HS6ST1: variants seen among roughly 807,000 people sequenced by gnomAD.
The protein encoded by HS6ST1 is heparan sulfate 6-O-sulfotransferase 1.
A neutral mutation model predicts 25.2 loss-of-function variants in HS6ST1; 3 were observed. That is an observed-to-expected ratio of 0.12 (90% CI 0.05 to 0.31). HS6ST1 has a LOEUF of 0.31. Ranked by LOEUF, HS6ST1 falls within the 10% of genes least tolerant of loss-of-function variation. The pLI is 1.00. For synonymous variants in HS6ST1, 204 were observed against 275.1 expected (o/e 0.74, Z 2.56); for missense variants, 310 against 609.6 (o/e 0.51, Z 5.18).
intron 1 of HS6ST1, among the ~76,000 whole-genome samples, chr2:128,284,625 C>T (rs970240107): frequency 1.3e-5 from 2 of 151,810 alleles, no homozygotes; most frequent in Admixed American, 6.6e-5. Flanking sequence ...TTCAGCCTTC[C>T]GAGGCTAAGG....
At chr2:128,284,344 T>C (rs897035145) in intron 1 of HS6ST1, among the ~76,000 whole-genome samples, 2 of 152,090 alleles carry the variant, frequency 1.3e-5, no homozygotes, top group African/African-American at 4.8e-5. Flanking sequence ...TCCCACCTGT[T>C]GCCACCTGTC....
intron 1 of HS6ST1, among the ~76,000 whole-genome samples, chr2:128,293,524 G>A (rs1693991550): frequency 1.3e-5 from 2 of 152,238 alleles, no homozygotes; most frequent in South Asian, 2.1e-4. Context: ...GGGGACCTTC[G>A]AAGTTGGAAG....
intron 1 of HS6ST1, among the ~76,000 whole-genome samples, chr2:128,314,613 A>T (rs1460980094): frequency 6.6e-5 from 10 of 152,308 alleles, no homozygotes; most frequent in African/African-American, 2.4e-4. Flanking sequence ...CTGGAGTCTG[A>T]GAAGGCTTCA....
intron 1 of HS6ST1, among the ~76,000 whole-genome samples, chr2:128,291,941 C>G (rs988199911): frequency 5.9e-5 from 9 of 152,200 alleles, no homozygotes; most frequent in Non-Finnish European, 1.2e-4. Context: ...ACAGGCTCCT[C>G]TGAATGCACA....
In HS6ST1 at chr2:128,266,214, G is replaced by C. The variant is rs925536349; in HGVS notation, c.*1948C>G. 1 of 152,202 alleles carries C rather than the reference G, an allele frequency of 6.6e-6. No individual in the cohort carries two copies. Among genetic ancestry groups the C allele is most frequent in the African/African-American group, 2.4e-5 (1 of 41,452 alleles). The allele number at this position is 152,202 out of a possible 1,614,324, so 9.4% of individuals were successfully genotyped here. ...CTGCCGGGAAGCCAAGGTGCCCCACGTGGCTTGTGCAAGACCTCACAATCC... is the reference window on the plus strand; with the variant it reads ...CTGCCGGGAAGCCAAGGTGCCCCACCTGGCTTGTGCAAGACCTCACAATCC... On this transcript the variant is annotated 3_prime_UTR_variant, in exon 2 of 2. Transcript: ENST00000259241.
chr2:128,309,312 G>T (rs1694255740), intron 1 of HS6ST1, among the ~76,000 whole-genome samples: 1 of 152,258 alleles, frequency 6.6e-6, no homozygotes, highest in Admixed American at 6.5e-5. Context: ...AAATGAGGTT[G>T]AATGTTCCCA....
intron 1 of HS6ST1, among the ~76,000 whole-genome samples, chr2:128,306,153 C>T (rs947429166): frequency 1.3e-5 from 2 of 152,234 alleles, no homozygotes; most frequent in East Asian, 3.8e-4. Context: ...CACAGCCCCT[C>T]CCTGCTCCCA....
intron 1 of HS6ST1, among the ~76,000 whole-genome samples, chr2:128,271,533 G>T (rs7560767): frequency 0.049 from 7,537 of 152,282 alleles, 613 homozygotes; most frequent in African/African-American, 0.17. Context: ...TGGGGGTGCA[G>T]AACACGGGGA....
At chr2:128,278,158 G>A (rs866986365) in intron 1 of HS6ST1, among the ~76,000 whole-genome samples, 5 of 152,254 alleles carry the variant, frequency 3.3e-5, no homozygotes, top group East Asian at 1.9e-4. Flanking sequence ...AGGCAGGCAC[G>A]AGCTGAGGCC....
rs541130200 is a variant in HS6ST1 at position 128,289,158 on chromosome 2, T to C, written c.528-20288A>G. 3.9e-5 allele frequency among the ~76,000 whole-genome samples: 6 copies of C among 152,150 alleles called. No homozygotes were observed. In the South Asian group the frequency reaches 1.2e-3, roughly 32 times the overall value. On this transcript the variant is annotated intron_variant, in intron 1 of 1. Coordinates refer to ENST00000259241, the MANE Select transcript of HS6ST1 (RefSeq NM_004807.3). ...CATTCTGTGCCCAAGCTAACTGCAG[T>C]ATCCAACTCTATACTCCCATGGCCC...
intron 1 of HS6ST1, among the ~76,000 whole-genome samples, chr2:128,278,667 GCTGA>G (rs1693733133): frequency 6.6e-6 from 1 of 152,226 alleles, no homozygotes; most frequent in South Asian, 2.1e-4. Flanking sequence ...AACCCCTGGA[GCTGA>G]CTGTGGGGTT....
Position 128,316,389 on chromosome 2 carries a change from C to T in HS6ST1, c.527+1648G>A, listed in dbSNP as rs189264740. Among the ~76,000 whole-genome samples the T allele has an allele frequency of 3.6e-4, 55 of 152,352 alleles. 1 individual carries two copies. Among genetic ancestry groups the T allele is most frequent in the Admixed American group, 3.3e-3 (51 of 15,310 alleles). On this transcript the variant is annotated intron_variant, in intron 1 of 1. Transcript: ENST00000259241. The stretch of plus-strand genomic sequence containing the variant: ...GGGGTGACCCCCATCCTTGCACCCC[C>T]CACAGGTAGGGAGGCGTCTGTTGGT...
intron 1 of HS6ST1, among the ~76,000 whole-genome samples, chr2:128,297,507 G>A (rs900887662): frequency 2.0e-5 from 3 of 152,110 alleles, no homozygotes; most frequent in African/African-American, 7.2e-5. Flanking sequence ...CAAAAGAAAA[G>A]CTAGATTAAT....
chr2:128,298,036 AAAG>A, intron 1 of HS6ST1, among the ~76,000 whole-genome samples: 1 of 147,460 alleles, frequency 6.8e-6, no homozygotes, highest in South Asian at 2.1e-4. Flanking sequence ...ACATTTCCCC[AAAG>A]AAGACAGACC....
At chr2:128,307,819 G>A (rs1694235040) in intron 1 of HS6ST1, among the ~76,000 whole-genome samples, 1 of 152,144 alleles carries the variant, frequency 6.6e-6, no homozygotes, top group South Asian at 2.1e-4. Context: ...ACCTCCCTCT[G>A]ACACACTCCT....
intron 1 of HS6ST1, among the ~76,000 whole-genome samples, chr2:128,310,959 G>A (rs1352912196): frequency 2.0e-5 from 3 of 151,958 alleles, no homozygotes; most frequent in Non-Finnish European, 4.4e-5. Context: ...CTCGCATGAT[G>A]TGTCTGAAAC....
intron 1 of HS6ST1, among the ~76,000 whole-genome samples, chr2:128,313,776 G>C (rs1694324318): frequency 6.6e-6 from 1 of 152,044 alleles, no homozygotes; most frequent in Non-Finnish European, 1.5e-5. Flanking sequence ...TCCAGGAGCA[G>C]GAGTCCCCAG....
intron 1 of HS6ST1, among the ~76,000 whole-genome samples, chr2:128,303,099 C>G (rs939192369): frequency 2.6e-5 from 4 of 152,230 alleles, no homozygotes; most frequent in Admixed American, 1.3e-4. Context: ...GGAGGAAATG[C>G]CAGGCTTTTC....
chr2:128,268,119 C>G lies in HS6ST1; in HGVS notation c.*43G>C. 1 of 1,428,226 alleles carries G rather than the reference C, an allele frequency of 7.0e-7. No homozygotes were observed. Among genetic ancestry groups the G allele is most frequent in the African/African-American group, 1.4e-5 (1 of 71,110 alleles). The allele number at this position is 1,428,226 out of a possible 1,614,324, so 88.5% of individuals were successfully genotyped here. ...GGACCTGTCGTCTGTCCTGTTTTAT[C>G]CCCCACACCCCCCAAGAGGCCTCCC... On this transcript the variant is annotated 3_prime_UTR_variant, in exon 2 of 2. Coordinates refer to ENST00000259241, the MANE Select transcript of HS6ST1 (RefSeq NM_004807.3).
Sources: allele counts gnomAD v4.1 joint callset (sites outside exome capture counted in the v4.1 genomes callset), GRCh38; gene constraint gnomAD v4.1.1; transcripts MANE v1.5; gene names NCBI Gene and HGNC (gene_info 2026-07-23, HGNC 2026-07-21).